The following TPO variants were observed in gnomAD, a reference collection of about 807,000 sequenced individuals.
TPO encodes thyroid peroxidase.
TPO carries 78 observed loss-of-function variants against 96.9 expected under a neutral mutation model. That is an observed-to-expected ratio of 0.81 (90% CI 0.67 to 0.97). The LOEUF (loss-of-function observed/expected upper bound fraction) is 0.97. Ranked by LOEUF, TPO falls within the 50% of genes least tolerant of loss-of-function variation. The probability of loss-of-function intolerance (pLI) is 0.00; values close to 1 mark genes in which losing one functional copy is unlikely to be tolerated. For synonymous variants in TPO, 547 were observed against 538.0 expected (o/e 1.02, Z -0.23); for missense variants, 1,252 against 1,274.8 (o/e 0.98, Z 0.27).
At chr2:1,487,222 CTTTCTG>C (rs28911479) in intron 9 of TPO, among the ~76,000 whole-genome samples, 76,442 of 151,162 alleles carry the variant, frequency 0.51, 19,796 homozygotes, top group African/African-American at 0.63. Flanking sequence ...TTTTTGTAAT[CTTTCTG>C]TTGCTGAGAA....
chr2:1,456,359 C>T, intron 7 of TPO, 77 bp downstream of exon 7: 1 of 1,472,594 alleles, frequency 6.8e-7, no homozygotes, highest in South Asian at 1.2e-5. Context: ...TGGTATAAAA[C>T]AAAATGTGAA....
At position 1,493,980 on chromosome 2, in the gene TPO, A is replaced by AG; in HGVS notation, c.1950dup (p.Pro651AlafsTer18). ...AAAACTTCCTCCCCAGGGCTCGGAC[A>AG]GGGCCCCTGTTTGCCTGTCTCATTG... On this transcript the variant is annotated frameshift_variant, in exon 11 of 17. Coordinates refer to ENST00000329066, the MANE Select transcript of TPO (RefSeq NM_001206744.2). LOFTEE classifies it high-confidence loss of function. The AG allele has an allele frequency of 1.2e-6, 2 of 1,614,096 alleles. No individual in the cohort carries two copies. The highest frequency in any genetic ancestry group is 1.1e-5 in the South Asian group (1 of 91,078).
rs931203254 is a variant in TPO, at chr2:1,440,231, A to T, written c.482+3847A>T. Among the ~76,000 whole-genome samples the T allele has an allele frequency of 2.6e-5, 4 of 152,290 alleles. No individual in the cohort carries two copies. In the South Asian group the frequency reaches 6.2e-4, roughly 24 times the overall value. The stretch of plus-strand genomic sequence containing the variant: ...AAGCGACCTTTGGGTGTTGGCTGCA[A>T]TGACATCTTTAAGACAAATGTTAGT... On this transcript the variant is annotated intron_variant, in intron 5 of 16. Transcript: ENST00000329066.
chr2:1,512,095 G>A (rs1289077416), intron 14 of TPO, among the ~76,000 whole-genome samples: 5 of 151,588 alleles, frequency 3.3e-5, no homozygotes, highest in East Asian at 2.0e-4. Context: ...GTGCAGTGGC[G>A]CGATCTCAGC....
intron 1 of TPO, among the ~76,000 whole-genome samples, chr2:1,380,900 G>A (rs57481014): frequency 0.021 from 3,126 of 152,310 alleles, 111 homozygotes; most frequent in African/African-American, 0.071. Flanking sequence ...CTGGGGGAAG[G>A]CAGAGGGTAA....
Position 1,433,589 on chromosome 2 carries a change from C to T in TPO, c.331C>T (p.Gln111Ter). ...MKRKVNLKTQQSQHPTDALSE... is the reference protein window; with the variant it reads ...MKRKVNLKTQ ...AAGAAAAGTCAACCTGAAAACTCAA[C>T]AATCACAGCATCCAACGGGTAATGT... Residue 111 changes from glutamine to a stop codon, truncating the protein, a stop_gained, in exon 4 of 17, where the codon CAA (glutamine) becomes TAA (stop). Coordinates refer to ENST00000329066, the MANE Select transcript of TPO (RefSeq NM_001206744.2). LOFTEE classifies it high-confidence loss of function. 6.2e-7 allele frequency: 1 copy of T among 1,613,996 alleles called. No homozygotes were observed. Among genetic ancestry groups the T allele is most frequent in the East Asian group, 2.2e-5 (1 of 44,848 alleles).
At position 1,441,887 on chromosome 2, in the gene TPO, T is replaced by C. The variant is rs554858913; in HGVS notation, c.482+5503T>C. Among the ~76,000 whole-genome samples, 7 of 152,312 alleles carry C rather than the reference T, an allele frequency of 4.6e-5. No homozygotes were observed. The South Asian group carries it at 1.2e-3, about 27-fold the overall frequency. On this transcript the variant is annotated intron_variant, in intron 5 of 16. Coordinates refer to ENST00000329066, the MANE Select transcript of TPO (RefSeq NM_001206744.2). ...AGTGCTCCATGGCGGGATGGTGATATAGTTGGCTGTGTCCCCACCCAAATC... is the reference window on the plus strand; with the variant it reads ...AGTGCTCCATGGCGGGATGGTGATACAGTTGGCTGTGTCCCCACCCAAATC...
At chr2:1,509,679 C>T (rs2125039014) in intron 14 of TPO, among the ~76,000 whole-genome samples, 1 of 150,676 alleles carries the variant, frequency 6.6e-6, no homozygotes, top group South Asian at 2.1e-4. Context: ...TAGGGCAAAC[C>T]ACACTCTCTG....
chr2:1,487,078 G>A (rs970359248), intron 9 of TPO, among the ~76,000 whole-genome samples: 2 of 152,210 alleles, frequency 1.3e-5, no homozygotes, highest in Non-Finnish European at 2.9e-5. Flanking sequence ...CTGACAGGCC[G>A]TGGGGCCTGC....
chr2:1,463,306 A>C (rs1353441064), intron 7 of TPO, among the ~76,000 whole-genome samples: 1 of 152,176 alleles, frequency 6.6e-6, no homozygotes, highest in African/African-American at 2.4e-5. Flanking sequence ...TGAGATGAAA[A>C]ATATACCGTA....
In TPO at chr2:1,477,018, G is replaced by A; in HGVS notation, c.820-68G>A. 3.2e-6 allele frequency: 5 copies of A among 1,538,640 alleles called. No homozygotes were observed. The South Asian group carries it at 3.7e-5, about 11-fold the overall frequency. On this transcript the variant is annotated intron_variant, in intron 7 of 16. Coordinates refer to ENST00000329066, the MANE Select transcript of TPO (RefSeq NM_001206744.2). ...GCGCTGCGGGGTCGTCGCCGGCCTC[G>A]AACTTCCAGAGTCTTACAAAGGGTG...
At chr2:1,524,536 G>A (rs573931373) in intron 15 of TPO, among the ~76,000 whole-genome samples, 7 of 109,586 alleles carry the variant, frequency 6.4e-5, no homozygotes, top group African/African-American at 2.6e-4. Context: ...CACCCACTGT[G>A]TGCAACCTCA....
intron 15 of TPO, among the ~76,000 whole-genome samples, chr2:1,532,976 C>T (rs1384196909): frequency 3.0e-5 from 3 of 98,898 alleles, no homozygotes; most frequent in Non-Finnish European, 4.2e-5. Context: ...TGTCCAGCCT[C>T]CCCAAATCCC....
intron 15 of TPO, among the ~76,000 whole-genome samples, chr2:1,537,538 C>CA (rs1558441734): frequency 2.8e-5 from 1 of 36,244 alleles, no homozygotes; most frequent in Non-Finnish European, 5.5e-5. Context: ...CCTATCCCCC[C>CA]CAGTGTGCAA....
At chr2:1,538,505 C>G (rs530564275) in intron 15 of TPO, among the ~76,000 whole-genome samples, 1 of 152,174 alleles carries the variant, frequency 6.6e-6, no homozygotes, top group Non-Finnish European at 1.5e-5. Flanking sequence ...GACATAAGAG[C>G]TCTCTAGATT....
chr2:1,458,379 A>G (rs1462401612), intron 7 of TPO, among the ~76,000 whole-genome samples: 1 of 151,830 alleles, frequency 6.6e-6, no homozygotes, highest in African/African-American at 2.4e-5. Context: ...GCACATGTGT[A>G]TATGGCATAT....
Position 1,496,027 on chromosome 2 carries a change from A to G in TPO, c.2045A>G (p.Gln682Arg), listed in dbSNP as rs981261375. The change falls in exon 12 of 17, where the codon CAG (glutamine) becomes CGG (arginine). Residue 682 changes from glutamine to arginine, a missense_variant. Gln to Arg is a conservative substitution (Grantham distance 43). Coordinates refer to ENST00000329066, the MANE Select transcript of TPO (RefSeq NM_001206744.2). ...AACAGCCACGTCTTCACGGATGCAC[A>G]GAGGCGTGAGCTGGAGAAGCACTCC... Reference protein sequence around the residue: ...WENSHVFTDAQRRELEKHSLS... With the variant: ...WENSHVFTDARRRELEKHSLS... The G allele has an allele frequency of 9.9e-6, 16 of 1,613,496 alleles. No individual in the cohort carries two copies. The highest frequency in any genetic ancestry group is 1.3e-5 in the Non-Finnish European group (15 of 1,180,012).
intron 2 of TPO, among the ~76,000 whole-genome samples, chr2:1,418,139 T>C (rs1462739735): frequency 6.6e-6 from 1 of 152,038 alleles, no homozygotes; most frequent in East Asian, 1.9e-4. Context: ...AAAAAAAAAT[T>C]AGCTGGGCGT....
chr2:1,495,627 T>G (rs1030379848), intron 11 of TPO, among the ~76,000 whole-genome samples: 2 of 152,254 alleles, frequency 1.3e-5, no homozygotes, highest in Non-Finnish European at 2.9e-5. Context: ...GCCCCTCTTC[T>G]GAGGCCGCTC....
Sources: gnomAD v4.1 joint callset for allele counts (sites outside exome capture counted in the v4.1 genomes callset) on GRCh38, gnomAD v4.1.1 for gene constraint, MANE v1.5 for transcripts, NCBI Gene and HGNC (gene_info 2026-07-23, HGNC 2026-07-21) for gene names.